The following KIZ variants were observed in gnomAD, a reference collection of about 807,000 sequenced individuals.
KIZ encodes kizuna centrosomal protein, also known as centrosomal protein kizuna.
Under a neutral mutation model 79.6 loss-of-function variants are expected in KIZ, and 68 were observed. The ratio of observed to expected loss-of-function variants is 0.85; its 90% confidence interval spans 0.70 to 1.05. The LOEUF is 1.05. Ranked by LOEUF, KIZ falls within the 50% of genes least tolerant of loss-of-function variation. The probability of loss-of-function intolerance (pLI) is 0.00; values close to 1 mark genes in which losing one functional copy is unlikely to be tolerated. For synonymous variants in KIZ, 280 were observed against 281.8 expected (o/e 0.99, Z 0.06); for missense variants, 797 against 800.4 (o/e 1.00, Z 0.05).
At chr20:21,240,563 T>C (rs1319895722) in intron 11 of KIZ, among the ~76,000 whole-genome samples, 2 of 152,230 alleles carry the variant, frequency 1.3e-5, no homozygotes, top group African/African-American at 2.4e-5. Context: ...ATACCAAGTC[T>C]GCCCTCTGGG....
chr20:21,197,718 A>T (rs2035403563), intron 6 of KIZ: 2 of 152,240 alleles, frequency 1.3e-5, no homozygotes, highest in Non-Finnish European at 2.9e-5. Context: ...TAGTTGCTGC[A>T]TTTTAATGTC....
At chr20:21,177,399 T>C (rs1307289359) in intron 6 of KIZ, among the ~76,000 whole-genome samples, 1 of 152,186 alleles carries the variant, frequency 6.6e-6, no homozygotes, top group East Asian at 1.9e-4. Context: ...GAAATGTTTA[T>C]TCAGGTCTTT....
intron 6 of KIZ, among the ~76,000 whole-genome samples, chr20:21,165,209 AAGG>A (rs1408673343): frequency 2.6e-5 from 4 of 152,198 alleles, no homozygotes; most frequent in Admixed American, 6.5e-5. Context: ...AAATGGGACA[AAGG>A]AGGACACATA....
At chr20:21,232,650 ACTT>A in intron 10 of KIZ, 81 bp from the exon 11 acceptor site, 3 of 727,632 alleles carry the variant, frequency 4.1e-6, no homozygotes, top group Non-Finnish European at 5.0e-6. Context: ...GTTTCACCAA[ACTT>A]ACTGTGAGGC....
intron 9 of KIZ, among the ~76,000 whole-genome samples, chr20:21,219,792 T>G (rs1305282012): frequency 6.6e-6 from 1 of 152,210 alleles, no homozygotes; most frequent in Non-Finnish European, 1.5e-5. Context: ...AACGGAGGTC[T>G]TCTTGGCTGG....
At chr20:21,245,538 G>A (rs373213702) in intron 12 of KIZ, 3 of 152,472 alleles carry the variant, frequency 2.0e-5, no homozygotes, top group African/African-American at 4.8e-5. Flanking sequence ...TCAGCACAGA[G>A]CTGGCAGGTG....
At chr20:21,209,619 T>G (rs1257153816) in intron 7 of KIZ, among the ~76,000 whole-genome samples, 4 of 152,276 alleles carry the variant, frequency 2.6e-5, no homozygotes, top group African/African-American at 9.6e-5. Flanking sequence ...CTTCATTCCC[T>G]TTAACGTAGA....
At chr20:21,168,217 A>G (rs1600436806) in intron 6 of KIZ, among the ~76,000 whole-genome samples, 1 of 152,164 alleles carries the variant, frequency 6.6e-6, no homozygotes, top group East Asian at 1.9e-4. Flanking sequence ...GATGGTTTGC[A>G]GTTTCATCCA....
At chr20:21,177,931 GGTCTATAT>G (rs2034503129) in intron 6 of KIZ, among the ~76,000 whole-genome samples, 2 of 151,966 alleles carry the variant, frequency 1.3e-5, no homozygotes, top group Admixed American at 1.3e-4. Flanking sequence ...ATGTTCCATT[GGTCTATAT>G]GTCTGTCTTT....
intron 6 of KIZ, among the ~76,000 whole-genome samples, chr20:21,170,610 G>A (rs768304063): frequency 1.3e-5 from 2 of 151,914 alleles, no homozygotes; most frequent in African/African-American, 2.4e-5. Flanking sequence ...GGATAATCTC[G>A]ATCTCCTGAC....
At position 21,162,958 on chromosome 20, in the gene KIZ, A is replaced by G. The variant is rs773332864; in HGVS notation, c.1151A>G (p.Glu384Gly). Residue 384 changes from glutamate (E) to glycine (G), a missense_variant, in exon 6 of 13, where the codon GAA becomes GGA. Transcript: ENST00000619189. ...TSSDLTISIS[E>G]DDLILESPEP... ...AGTGACCTTACCATTTCAATAAGTGAAGATGATCTGATTTTAGAGAGCCCA... is the reference window on the plus strand; with the variant it reads ...AGTGACCTTACCATTTCAATAAGTGGAGATGATCTGATTTTAGAGAGCCCA... 48 of 1,613,756 alleles carry G rather than the reference A, an allele frequency of 3.0e-5. No individual in the cohort carries two copies. The highest frequency in any genetic ancestry group is 5.1e-6 in the Non-Finnish European group (6 of 1,179,816).
chr20:21,194,598 G>A (rs2035258460), intron 6 of KIZ: 1 of 152,210 alleles, frequency 6.6e-6, no homozygotes, highest in South Asian at 2.1e-4. Context: ...TTCTGAGTTA[G>A]AGTAGATCAT....
intron 6 of KIZ, among the ~76,000 whole-genome samples, chr20:21,176,976 G>A (rs79399694): frequency 0.1 from 15,470 of 152,198 alleles, 1,393 homozygotes; most frequent in African/African-American, 0.24. Flanking sequence ...TTCATTGTAC[G>A]TGTATTTTCT....
intron 6 of KIZ, among the ~76,000 whole-genome samples, chr20:21,185,692 T>C (rs2034849653): frequency 6.6e-6 from 1 of 151,224 alleles, no homozygotes; most frequent in Non-Finnish European, 1.5e-5. Context: ...ATTACAAGCG[T>C]GAGCCACCAC....
intron 3 of KIZ, chr20:21,139,213 G>C (rs1395369240): frequency 1.3e-5 from 2 of 151,356 alleles, no homozygotes; most frequent in Non-Finnish European, 2.9e-5. Flanking sequence ...ATTGGCTCCT[G>C]TGTCCTTTTG....
intron 9 of KIZ, among the ~76,000 whole-genome samples, chr20:21,220,594 G>C (rs376693075): frequency 1.9e-4 from 29 of 151,860 alleles, no homozygotes; most frequent in African/African-American, 6.3e-4. Context: ...AGCGATTCTC[G>C]TGCCACAGCC....
At chr20:21,199,278 T>A (rs777938885) in intron 6 of KIZ, among the ~76,000 whole-genome samples, 3 of 152,214 alleles carry the variant, frequency 2.0e-5, no homozygotes, top group Non-Finnish European at 4.4e-5. Context: ...TGATCTACAG[T>A]TATGTGTAAA....
chr20:21,241,520 G>A (rs1447499920), intron 11 of KIZ, among the ~76,000 whole-genome samples: 3 of 152,204 alleles, frequency 2.0e-5, no homozygotes, highest in Admixed American at 2.0e-4. Flanking sequence ...TCACTAGGAT[G>A]TTTACTGGCT....
intron 6 of KIZ, among the ~76,000 whole-genome samples, chr20:21,187,318 A>G (rs189327073): frequency 2.6e-5 from 4 of 152,286 alleles, no homozygotes; most frequent in Admixed American, 2.0e-4. Context: ...CACTGTTATC[A>G]TGGAAGTAGA....
Sources: gnomAD v4.1 joint callset for allele counts (sites outside exome capture counted in the v4.1 genomes callset) on GRCh38, gnomAD v4.1.1 for gene constraint, MANE v1.5 for transcripts, NCBI Gene and HGNC (gene_info 2026-07-23, HGNC 2026-07-21) for gene names.